ZNF484: variants seen among roughly 807,000 people sequenced by gnomAD.
The protein encoded by ZNF484 is KRAB box containing C2H2 type zinc finger bA526D8.4.
ZNF484 carries 11 observed loss-of-function variants against 12.9 expected under a neutral mutation model. The ratio of observed to expected loss-of-function variants is 0.85; its 90% confidence interval spans 0.54 to 1.41. The LOEUF (loss-of-function observed/expected upper bound fraction) is 1.41, where lower values mean the gene tolerates loss of function less well. Among genes scored for constraint, ZNF484 ranks in the 40% most tolerant of loss-of-function variants. ZNF484 has a pLI of 0.00. For synonymous variants in ZNF484, 289 were observed against 334.1 expected, an observed-to-expected ratio of 0.86 and a Z score of 1.47; for missense variants, 807 against 1,007.7, an observed-to-expected ratio of 0.80 and a Z score of 2.70.
intron 1 of ZNF484, among the ~76,000 whole-genome samples, chr9:92,876,752 T>C (rs1857839502): frequency 6.6e-6 from 1 of 152,090 alleles, no homozygotes; most frequent in African/African-American, 2.4e-5. Flanking sequence ...CAAATAAAAT[T>C]AGCAAAAAAG....
intron 2 of ZNF484, among the ~76,000 whole-genome samples, chr9:92,859,287 C>T (rs1856645138): frequency 6.6e-6 from 1 of 151,940 alleles, no homozygotes; most frequent in Admixed American, 6.6e-5. Flanking sequence ...GAGTGCATTC[C>T]ACCCAATTCC....
chr9:92,872,231 CAAAAAAAAAAAA>C (rs59372760), intron 2 of ZNF484, among the ~76,000 whole-genome samples: 1 of 45,590 alleles, frequency 2.2e-5, no homozygotes, highest in Non-Finnish European at 3.6e-5. Context: ...ATCTCTGCCT[CAAAAAAAAAAAA>C]AAAAAAAAAA....
In ZNF484 at chr9:92,846,872, C is replaced by G; in HGVS notation, c.1915G>C (p.Ala639Pro). ...IHTGEKPYRC[A>P]ECGKAFTDRS... ...TCAGTAAAAGCCTTTCCACATTCAGCACACCTATAGGGTTTCTCTCCTGTG... is the reference window on the plus strand; with the variant it reads ...TCAGTAAAAGCCTTTCCACATTCAGGACACCTATAGGGTTTCTCTCCTGTG... Residue 639 changes from alanine to proline, a missense_variant, in exon 5 of 5, where the codon GCT (alanine) becomes CCT (proline). Physicochemically the swap from Ala to Pro is conservative, Grantham distance 27. Transcript: ENST00000375495. 1 of 1,613,608 alleles carries G rather than the reference C, an allele frequency of 6.2e-7. No individual in the cohort carries two copies.
At chr9:92,863,175 C>G (rs1856872791) in intron 2 of ZNF484, among the ~76,000 whole-genome samples, 2 of 150,404 alleles carry the variant, frequency 1.3e-5, no homozygotes, top group Non-Finnish European at 2.9e-5. Context: ...AACAGAAAAC[C>G]AAACGCTACA....
Position 92,846,236 on chromosome 9 carries a change from A to C in ZNF484, c.2551T>G (p.Ser851Ala). The C allele has an allele frequency of 6.2e-7, 1 of 1,612,668 alleles. No individual in the cohort carries two copies. Among genetic ancestry groups the C allele is most frequent in the Non-Finnish European group, 8.5e-7 (1 of 1,179,360 alleles). The change falls in exon 5 of 5, where the codon TCT becomes GCT. Residue 851 changes from serine to alanine, a missense_variant. Transcript: ENST00000375495. ...GATGTTCATAATTCTAACTAGATAG[A>C]AGAAAGTTGGCCTTGGTCACCTTCT... ...DSEGDQGQLSSI is the reference protein window; with the variant it reads ...DSEGDQGQLSAI
chr9:92,870,272 A>G (rs999415410), intron 2 of ZNF484, among the ~76,000 whole-genome samples: 1 of 152,244 alleles, frequency 6.6e-6, no homozygotes, highest in African/African-American at 2.4e-5. Flanking sequence ...AGAAACATCA[A>G]CAAGTGCATA....
chr9:92,863,431 T>TA (rs1481280753), intron 2 of ZNF484, among the ~76,000 whole-genome samples: 2 of 151,452 alleles, frequency 1.3e-5, no homozygotes, highest in Non-Finnish European at 2.9e-5. Context: ...AAATAAAAAA[T>TA]AAAAAAAGAC....
At position 92,875,439 on chromosome 9, in the gene ZNF484, A is replaced by G. The variant is rs868462764; in HGVS notation, c.-30-380T>C. On this transcript the variant is annotated intron_variant, in intron 1 of 4. Transcript: ENST00000375495. ...ACTCTTCAATCTGCTCTAAGTGTCAATTGGTGCCCAGAGACTACTCCCAGA... is the reference window on the plus strand; with the variant it reads ...ACTCTTCAATCTGCTCTAAGTGTCAGTTGGTGCCCAGAGACTACTCCCAGA... 2.6e-4 allele frequency among the ~76,000 whole-genome samples: 40 copies of G among 152,242 alleles called. 1 individual carries two copies. Among genetic ancestry groups the G allele is most frequent in the Middle Eastern group, 6.8e-3 (2 of 294 alleles).
chr9:92,861,949 CACATT>C (rs948910975), intron 2 of ZNF484, among the ~76,000 whole-genome samples: 2 of 152,108 alleles, frequency 1.3e-5, no homozygotes, highest in Admixed American at 6.5e-5. Context: ...AGAGAAATGA[CACATT>C]ACATGTAGGG....
intron 4 of ZNF484, among the ~76,000 whole-genome samples, chr9:92,854,585 C>T (rs924051901): frequency 6.6e-6 from 1 of 152,040 alleles, no homozygotes; most frequent in Non-Finnish European, 1.5e-5. Context: ...GGTGCAGTGG[C>T]GGGCGCCTGT....
chr9:92,866,248 C>A (rs1587758693), intron 2 of ZNF484, among the ~76,000 whole-genome samples: 2 of 152,082 alleles, frequency 1.3e-5, no homozygotes, highest in Non-Finnish European at 2.9e-5. Flanking sequence ...ACTCATCTGA[C>A]AAAGGTCTAA....
intron 2 of ZNF484, among the ~76,000 whole-genome samples, chr9:92,861,394 G>A (rs1042707380): frequency 1.3e-5 from 2 of 152,140 alleles, no homozygotes; most frequent in Non-Finnish European, 2.9e-5. Context: ...GTTGCAACAA[G>A]CAGCTGTAAA....
At position 92,846,334 on chromosome 9, in the gene ZNF484, T is replaced by C. The variant is rs779894142; in HGVS notation, c.2453A>G (p.Gln818Arg). The change falls in exon 5 of 5, where the codon CAA becomes CGA. Residue 818 changes from glutamine (Q) to arginine (R), a missense_variant. Physicochemically the swap from Gln to Arg is conservative, Grantham distance 43 (BLOSUM62 1). Transcript: ENST00000375495. The stretch of plus-strand genomic sequence containing the variant: ...GTCAGATTTCTGAGGCATACTGAGT[T>C]GTGGCTTCCAGTTTAAGGCTTTCCC... ...DLGKALNWKPQLSMPQKSDNG... is the reference protein window; with the variant it reads ...DLGKALNWKPRLSMPQKSDNG... The C allele has an allele frequency of 1.9e-6, 3 of 1,614,060 alleles. No individual in the cohort carries two copies. The Admixed American group carries it at 5.0e-5, about 27-fold the overall frequency.
At chr9:92,853,663 T>C (rs998476866) in intron 4 of ZNF484, among the ~76,000 whole-genome samples, 1 of 152,200 alleles carries the variant, frequency 6.6e-6, no homozygotes, top group Non-Finnish European at 1.5e-5. Flanking sequence ...TAAATGTCCA[T>C]GATAACTTCT....
rs756150638 is a variant in ZNF484 at position 92,856,333 on chromosome 9, A to AC, written c.16-16_16-15insG. The AC allele has an allele frequency of 6.4e-5, 98 of 1,538,698 alleles. No homozygotes were observed. The Admixed American group carries it at 1.9e-3, about 30-fold the overall frequency. ...GACACTGATTCCTGTTAAAAAAAAA[A>AC]AACAAACTTTAAAATAATTTTTTAA... On this transcript the variant is annotated splice_polypyrimidine_tract_variant and intron_variant, in intron 2 of 4. Coordinates refer to ENST00000375495, the MANE Select transcript of ZNF484 (RefSeq NM_031486.4).
intron 1 of ZNF484, among the ~76,000 whole-genome samples, chr9:92,877,092 ATAAC>A (rs774919286): frequency 1.2e-4 from 18 of 152,298 alleles, no homozygotes; most frequent in Admixed American, 2.6e-4. Flanking sequence ...ACTCTCCTAA[ATAAC>A]TAAGATTCAA....
intron 2 of ZNF484, among the ~76,000 whole-genome samples, chr9:92,865,848 G>T (rs910070288): frequency 6.6e-6 from 1 of 152,226 alleles, no homozygotes; most frequent in Non-Finnish European, 1.5e-5. Context: ...AGTTGAGGCT[G>T]TAGTGAGCTG....
rs1354717664 is a variant in ZNF484, at chr9:92,844,699, A to G, written c.*1529T>C. 6.6e-6 allele frequency among the ~76,000 whole-genome samples: 1 copy of G among 152,230 alleles called. No homozygotes were observed. Among genetic ancestry groups the G allele is most frequent in the African/African-American group, 2.4e-5 (1 of 41,466 alleles). On this transcript the variant is annotated 3_prime_UTR_variant, in exon 5 of 5. Coordinates refer to ENST00000375495, the MANE Select transcript of ZNF484 (RefSeq NM_031486.4). ...TCAACTTAGAATTCTATATTCAGTAAAAGTATCCTTCAAAAATGAAGGCAA... is the reference window on the plus strand; with the variant it reads ...TCAACTTAGAATTCTATATTCAGTAGAAGTATCCTTCAAAAATGAAGGCAA...
intron 4 of ZNF484, among the ~76,000 whole-genome samples, chr9:92,850,416 T>C (rs1203126178): frequency 6.6e-6 from 1 of 152,228 alleles, no homozygotes; most frequent in Non-Finnish European, 1.5e-5. Context: ...CTCCCTATGA[T>C]CCACTGTGCC....
Sources: gnomAD v4.1 joint callset for allele counts (sites outside exome capture counted in the v4.1 genomes callset) on GRCh38, gnomAD v4.1.1 for gene constraint, MANE v1.5 for transcripts, NCBI Gene and HGNC (gene_info 2026-07-23, HGNC 2026-07-21) for gene names.